Variants in USP48 observed in about 807,000 individuals in gnomAD.
The protein encoded by USP48 is ubiquitin carboxyl-terminal hydrolase 48.
A neutral mutation model predicts 150.7 loss-of-function variants in USP48; 43 were observed. The ratio of observed to expected loss-of-function variants is 0.29; its 90% CI spans 0.22 to 0.37. USP48 has a LOEUF of 0.37. USP48 is among the 10% of genes least tolerant of loss of function. USP48 has a pLI of 1.00. For synonymous variants in USP48, 396 were observed against 425.9 expected (o/e 0.93, Z 0.86); for missense variants, 813 against 1,249.6 (o/e 0.65, Z 5.27).
intron 22 of USP48, among the ~76,000 whole-genome samples, chr1:21,701,139 G>A (rs545610831): frequency 3.3e-5 from 5 of 151,514 alleles, no homozygotes; most frequent in Admixed American, 1.3e-4. Context: ...GGCTGCGGTG[G>A]GCGGATCACG....
intron 22 of USP48, among the ~76,000 whole-genome samples, chr1:21,695,667 C>A (rs907307509): frequency 3.9e-5 from 6 of 152,146 alleles, no homozygotes; most frequent in Non-Finnish European, 5.9e-5. Flanking sequence ...TACAATCGCA[C>A]CACTGGACTC....
chr1:21,723,012 C>T (rs1458336601), intron 12 of USP48, among the ~76,000 whole-genome samples: 2 of 152,204 alleles, frequency 1.3e-5, no homozygotes, highest in East Asian at 1.9e-4. Flanking sequence ...ATGTAATTTC[C>T]TACAGCCTCA....
At chr1:21,712,449 C>T (rs1316971575) in intron 15 of USP48, among the ~76,000 whole-genome samples, 1 of 151,928 alleles carries the variant, frequency 6.6e-6, no homozygotes, top group African/African-American at 2.4e-5. Flanking sequence ...TAATTGCCCA[C>T]TATAATCCTC....
chr1:21,704,602 A>C (rs780995170), intron 19 of USP48: 1 of 470,018 alleles, frequency 2.1e-6, no homozygotes, highest in Non-Finnish European at 3.6e-6. Flanking sequence ...AAATTACATG[A>C]ATCAACATGG....
intron 14 of USP48, among the ~76,000 whole-genome samples, chr1:21,715,941 G>GGT (rs2097702959): frequency 1.3e-5 from 2 of 152,152 alleles, no homozygotes; most frequent in Non-Finnish European, 2.9e-5. Context: ...CTCAATGGAT[G>GGT]CCTAAAACCT....
intron 1 of USP48, chr1:21,782,121 A>G (rs2152666217): frequency 6.6e-6 from 1 of 152,292 alleles, no homozygotes; most frequent in Middle Eastern, 3.4e-3. Flanking sequence ...TGAAACAAAA[A>G]CTATAGTTCC....
chr1:21,765,389 G>A lies in USP48; in HGVS notation c.135-7606C>T, dbSNP rs572287273. Among the ~76,000 whole-genome samples the A allele has an allele frequency of 1.1e-3, 173 of 152,266 alleles. 2 individuals are homozygous for A. The highest frequency in any genetic ancestry group is 4.1e-3 in the African/African-American group (169 of 41,564). Reference sequence around the variant, plus strand: ...CCAGCATTTTGGGAGGTCGAGGCAGGCGGATCACTTGAGGTCAGGAGTTTG... The same window carrying A: ...CCAGCATTTTGGGAGGTCGAGGCAGACGGATCACTTGAGGTCAGGAGTTTG... On this transcript the variant is annotated intron_variant, in intron 1 of 26. Transcript: ENST00000308271.
chr1:21,728,807 G>T, intron 10 of USP48, 88 bp from the exon 11 acceptor site: 3 of 1,448,194 alleles, frequency 2.1e-6, no homozygotes, highest in Non-Finnish European at 2.8e-6. Context: ...ATCAAATACT[G>T]ATTAAAACAT....
At chr1:21,728,460 G>C in intron 11 of USP48, 110 bp downstream of exon 11, 2 of 1,503,624 alleles carry the variant, frequency 1.3e-6, no homozygotes, top group Non-Finnish European at 1.8e-6. Flanking sequence ...GCTGGCTTTA[G>C]TGGGTTATTA....
chr1:21,706,048 AAT>A, intron 18 of USP48, 76 bp downstream of exon 18: 1 of 1,464,818 alleles, frequency 6.8e-7, no homozygotes, highest in South Asian at 1.2e-5. Flanking sequence ...CAACAAACAG[AAT>A]CCACGATATC....
chr1:21,708,809 C>T (rs1008869398), intron 15 of USP48, among the ~76,000 whole-genome samples: 3 of 139,264 alleles, frequency 2.2e-5, no homozygotes, highest in Admixed American at 7.6e-5. Flanking sequence ...CGCTTGAACC[C>T]GGGAGGCAGA....
chr1:21,758,185 AAC>A (rs149088635), intron 1 of USP48, among the ~76,000 whole-genome samples: 3,029 of 141,380 alleles, frequency 0.021, 69 homozygotes, highest in African/African-American at 0.058. Flanking sequence ...GCAACTGTAA[AAC>A]ACACACACAC....
At chr1:21,686,274 G>T (rs2097580091) in intron 25 of USP48, 1 of 152,194 alleles carries the variant, frequency 6.6e-6, no homozygotes, top group African/African-American at 2.4e-5. Flanking sequence ...AGTTCTTAGA[G>T]GAAAGGCTTT....
chr1:21,703,641 GA>G (rs1341522906), intron 20 of USP48, 23 bp from the exon 21 acceptor site: 2 of 1,504,312 alleles, frequency 1.3e-6, no homozygotes, highest in East Asian at 2.3e-5. Flanking sequence ...AAAAAAAAGG[GA>G]AAACAGAAGT....
At chr1:21,685,489 A>C (rs1224384058) in intron 25 of USP48, among the ~76,000 whole-genome samples, 1 of 151,824 alleles carries the variant, frequency 6.6e-6, no homozygotes, top group African/African-American at 2.4e-5. Context: ...TAATTTTTGT[A>C]ATTTTAGTAG....
chr1:21,772,904 A>G (rs1247425979), intron 1 of USP48, among the ~76,000 whole-genome samples: 1 of 151,388 alleles, frequency 6.6e-6, no homozygotes, highest in Non-Finnish European at 1.5e-5. Context: ...CCTGGGAAAC[A>G]GAGCAAGACT....
At chr1:21,691,316 C>CAAAA (rs58202473) in intron 23 of USP48, among the ~76,000 whole-genome samples, 3 of 83,596 alleles carry the variant, frequency 3.6e-5, no homozygotes, top group African/African-American at 4.2e-5. Context: ...CTCCCATCTC[C>CAAAA]AAAAAAAAAA....
At chr1:21,777,646 A>C (rs79188953) in intron 1 of USP48, among the ~76,000 whole-genome samples, 3,136 of 152,224 alleles carry the variant, frequency 0.021, 42 homozygotes, top group Middle Eastern at 0.048. Flanking sequence ...CAGGTTGGGC[A>C]ACAAAGCAAG....
At chr1:21,679,574 G>T in intron 26 of USP48, 135 bp from the exon 27 acceptor site, 1 of 1,094,790 alleles carries the variant, frequency 9.1e-7, no homozygotes, top group Non-Finnish European at 1.4e-6. Flanking sequence ...CTTGGTGTGG[G>T]AGGATAAGAC....
Sources: allele counts gnomAD v4.1 joint callset (sites outside exome capture counted in the v4.1 genomes callset), GRCh38; gene constraint gnomAD v4.1.1; transcripts MANE v1.5; gene names NCBI Gene and HGNC (gene_info 2026-07-23, HGNC 2026-07-21).